The following CCDC171 variants were observed in gnomAD, a reference collection of about 807,000 sequenced individuals.
The protein encoded by CCDC171 is coiled-coil domain-containing protein 171.
In CCDC171, 177 loss-of-function variants were observed where a neutral mutation model predicts 168.2. The ratio of observed to expected loss-of-function variants is 1.05; its 90% CI spans 0.93 to 1.19. The LOEUF is 1.19. Ranked by LOEUF, CCDC171 falls within the 50% of genes most tolerant of loss-of-function variation. The pLI is 0.00. For missense variants in CCDC171, 1,991 were observed against 1,539.0 expected (o/e 1.29, Z -4.91); for synonymous variants, 687 against 540.8 (o/e 1.27, Z -3.75).
At chr9:15,772,657 T>A (rs776195176) in intron 18 of CCDC171, among the ~76,000 whole-genome samples, 13 of 152,300 alleles carry the variant, frequency 8.5e-5, no homozygotes, top group Admixed American at 2.0e-4. Context: ...TTGAGCCATG[T>A]TTTAAGGAGT....
intron 6 of CCDC171, among the ~76,000 whole-genome samples, chr9:15,599,906 C>A (rs920958211): frequency 5.3e-5 from 8 of 152,082 alleles, no homozygotes; most frequent in Non-Finnish European, 8.8e-5. Context: ...TTTGATCTTC[C>A]ATCACTGATA....
At chr9:15,868,068 T>C (rs2061866596) in intron 23 of CCDC171, among the ~76,000 whole-genome samples, 1 of 152,042 alleles carries the variant, frequency 6.6e-6, no homozygotes, top group Non-Finnish European at 1.5e-5. Flanking sequence ...ATTCAAGAGA[T>C]CAGTTTTTTT....
At chr9:15,900,907 A>C (rs1821543653) in intron 24 of CCDC171, among the ~76,000 whole-genome samples, 1 of 152,168 alleles carries the variant, frequency 6.6e-6, no homozygotes, top group Non-Finnish European at 1.5e-5. Flanking sequence ...AGAGTCAACT[A>C]GCTCAGTTGC....
chr9:15,871,804 G>A (rs528437186), intron 23 of CCDC171, among the ~76,000 whole-genome samples: 29 of 151,580 alleles, frequency 1.9e-4, no homozygotes, highest in African/African-American at 4.1e-4. Context: ...TATTTCTTCC[G>A]TTTCTTGTCA....
At chr9:15,812,667 A>G (rs10962170) in intron 21 of CCDC171, among the ~76,000 whole-genome samples, 66,780 of 151,974 alleles carry the variant, frequency 0.44, 14,887 homozygotes, top group African/African-American at 0.47. Flanking sequence ...AGCAGTAGAG[A>G]ACAGGTTCTT....
intron 21 of CCDC171, among the ~76,000 whole-genome samples, chr9:15,797,059 G>T (rs1008997559): frequency 2.6e-5 from 4 of 152,132 alleles, no homozygotes; most frequent in African/African-American, 9.7e-5. Context: ...ACTTGGCACT[G>T]TCTTTAATTT....
At chr9:15,993,432 C>G (rs551819767) in intron 3 of CCDC171, among the ~76,000 whole-genome samples, 1 of 152,186 alleles carries the variant, frequency 6.6e-6, no homozygotes, top group South Asian at 2.1e-4. Context: ...ACAGCTTATA[C>G]AAAAATTATT....
chr9:15,849,700 T>G (rs2061046284), intron 23 of CCDC171, among the ~76,000 whole-genome samples: 2 of 151,784 alleles, frequency 1.3e-5, no homozygotes, highest in Admixed American at 6.6e-5. Context: ...ATGCAAACAT[T>G]AAGTACTTTA....
intron 25 of CCDC171, among the ~76,000 whole-genome samples, chr9:15,933,334 T>G (rs2132173395): frequency 6.6e-6 from 1 of 152,074 alleles, no homozygotes; most frequent in Non-Finnish European, 1.5e-5. Flanking sequence ...GTTATGATCC[T>G]TTATATTTCT....
At chr9:15,728,939 C>G (rs2053987932) in intron 15 of CCDC171, among the ~76,000 whole-genome samples, 1 of 151,914 alleles carries the variant, frequency 6.6e-6, no homozygotes, top group Non-Finnish European at 1.5e-5. Flanking sequence ...TTATCTTGGT[C>G]CTATTGACAA....
At chr9:16,092,602 G>GA in the CCDC171 span, among the ~76,000 whole-genome samples, 26 of 151,918 alleles carry the variant, frequency 1.7e-4, no homozygotes, top group Admixed American at 1.4e-3. Flanking sequence ...CAGAACACTT[G>GA]AAAAAAAAGG....
the CCDC171 span, among the ~76,000 whole-genome samples, chr9:16,090,185 G>T: frequency 6.6e-6 from 1 of 152,150 alleles, no homozygotes; most frequent in Non-Finnish European, 1.5e-5. Flanking sequence ...GCCCATCAAT[G>T]ATAGAATGGA....
At chr9:15,680,997 A>T (rs1272853172) in intron 10 of CCDC171, among the ~76,000 whole-genome samples, 1 of 152,174 alleles carries the variant, frequency 6.6e-6, no homozygotes, top group Non-Finnish European at 1.5e-5. Context: ...GGTTTAACTC[A>T]CCACAGAGCA....
At chr9:15,706,772 C>T (rs2052273306) in intron 11 of CCDC171, among the ~76,000 whole-genome samples, 1 of 152,166 alleles carries the variant, frequency 6.6e-6, no homozygotes, top group South Asian at 2.1e-4. Flanking sequence ...CAACTTTCTT[C>T]AGCTTTCCTT....
intron 8 of CCDC171, among the ~76,000 whole-genome samples, chr9:15,664,654 T>A (rs1428749762): frequency 6.6e-6 from 1 of 152,022 alleles, no homozygotes; most frequent in Non-Finnish European, 1.5e-5. Flanking sequence ...ATCTCTTGTT[T>A]ATTCATCCTA....
At chr9:15,708,321 A>C (rs1221165271) in intron 11 of CCDC171, among the ~76,000 whole-genome samples, 1 of 152,204 alleles carries the variant, frequency 6.6e-6, no homozygotes, top group East Asian at 1.9e-4. Context: ...TCAAATAAAT[A>C]TTCACCCTCC....
chr9:15,774,056 G>A (rs1336950994), intron 18 of CCDC171, among the ~76,000 whole-genome samples: 1 of 151,950 alleles, frequency 6.6e-6, no homozygotes, highest in African/African-American at 2.4e-5. Flanking sequence ...GACCAGTCTG[G>A]TCAACGTGGT....
intron 20 of CCDC171, among the ~76,000 whole-genome samples, chr9:15,781,067 A>G (rs1034837306): frequency 5.9e-5 from 9 of 152,342 alleles, no homozygotes; most frequent in Admixed American, 3.9e-4. Flanking sequence ...AGTCAACTGT[A>G]TTTAGATTTA....
chr9:16,103,922 T>C, the CCDC171 span, among the ~76,000 whole-genome samples: 1 of 152,126 alleles, frequency 6.6e-6, no homozygotes, highest in African/African-American at 2.4e-5. Flanking sequence ...AAACCAGCTT[T>C]CTCTAACTGA....
Sources: allele counts gnomAD v4.1 joint callset (sites outside exome capture counted in the v4.1 genomes callset), GRCh38; gene constraint gnomAD v4.1.1; transcripts MANE v1.5; gene names NCBI Gene and HGNC (gene_info 2026-07-23, HGNC 2026-07-21).